KIF15: variants seen among roughly 807,000 people sequenced by gnomAD.
KIF15 encodes the protein kinesin family member 15.
Under a neutral mutation model 190.6 loss-of-function variants are expected in KIF15, and 140 were observed. The observed-to-expected ratio is 0.73, with a 90% CI of 0.64 to 0.84. The LOEUF is 0.84. Among genes scored for constraint, KIF15 ranks in the 40% least tolerant of loss-of-function variants. The pLI, the probability that KIF15 is intolerant of heterozygous loss-of-function variation, is 0.00. For synonymous variants in KIF15, 528 were observed against 551.3 expected, an observed-to-expected ratio of 0.96 and a Z score of 0.59; for missense variants, 1,372 against 1,584.4, an observed-to-expected ratio of 0.87 and a Z score of 2.28.
intron 6 of KIF15, chr3:44,861,948 G>A (rs756104560): frequency 1.4e-6 from 2 of 1,408,188 alleles, no homozygotes; most frequent in Non-Finnish European, 1.8e-6. Context: ...CGGGGCCTCC[G>A]GGCGGCGCCG....
At chr3:44,785,615 A>G (rs1310856781) in intron 6 of KIF15, among the ~76,000 whole-genome samples, 1 of 152,254 alleles carries the variant, frequency 6.6e-6, no homozygotes, top group African/African-American at 2.4e-5. Context: ...ACTCCTTTGC[A>G]GAAATCACCT....
At chr3:44,806,642 G>T (rs1442557725) in intron 16 of KIF15, among the ~76,000 whole-genome samples, 1 of 152,184 alleles carries the variant, frequency 6.6e-6, no homozygotes, top group African/African-American at 2.4e-5. Flanking sequence ...TTCCTTAGCT[G>T]GGTGTGGTGG....
intron 6 of KIF15, chr3:44,863,077 A>G (rs930719066): frequency 6.6e-6 from 1 of 151,998 alleles, no homozygotes; most frequent in African/African-American, 2.4e-5. Context: ...CAAATTTAAA[A>G]CATGAATTTT....
chr3:44,795,721 T>C (rs1011585843), intron 8 of KIF15, among the ~76,000 whole-genome samples: 2 of 152,134 alleles, frequency 1.3e-5, no homozygotes, highest in African/African-American at 4.8e-5. Context: ...GTCAATAAAA[T>C]ATTTGTAGAG....
At chr3:44,853,776 T>C (rs1699147612), downstream of KIF15, among the ~76,000 whole-genome samples, 1 of 152,224 alleles carries the variant, frequency 6.6e-6, no homozygotes, top group Admixed American at 6.5e-5. Context: ...TTTTCCTAAT[T>C]ACTAATGCTA....
chr3:44,803,551 C>T (rs932712133), intron 14 of KIF15, among the ~76,000 whole-genome samples: 9 of 152,134 alleles, frequency 5.9e-5, no homozygotes, highest in African/African-American at 2.2e-4. Context: ...GCCTTACAGT[C>T]TTGACAGCTG....
chr3:44,854,905 A>T (rs1344298319), downstream of KIF15, among the ~76,000 whole-genome samples: 1 of 152,210 alleles, frequency 6.6e-6, no homozygotes, highest in East Asian at 1.9e-4. Context: ...TAATTTGATT[A>T]TAACTATAAT....
chr3:44,848,330 AG>A (rs1376375463), intron 31 of KIF15, among the ~76,000 whole-genome samples, 190 bp from the exon 32 acceptor site: 5 of 152,244 alleles, frequency 3.3e-5, no homozygotes, highest in Non-Finnish European at 7.3e-5. Context: ...GAAGCCTTAG[AG>A]GGCATAGTGC....
At chr3:44,846,444 A>G (rs1698850589) in intron 30 of KIF15, among the ~76,000 whole-genome samples, 3 of 151,848 alleles carry the variant, frequency 2.0e-5, no homozygotes, top group Admixed American at 6.6e-5. Context: ...GCCAAATGTC[A>G]TAGTCTGATC....
At chr3:44,783,888 A>G (rs1449700070) in intron 5 of KIF15, among the ~76,000 whole-genome samples, 2 of 152,182 alleles carry the variant, frequency 1.3e-5, no homozygotes, top group Non-Finnish European at 2.9e-5. Context: ...TTTTCTAGCT[A>G]TATATACTTT....
Position 44,774,415 on chromosome 3 carries a change from A to C in KIF15, c.40A>C (p.Asn14His). Residue 14 changes from asparagine (N) to histidine (H), a missense_variant, in exon 2 of 35, where the codon AAT becomes CAT. Transcript: ENST00000326047. ...TCTAGCTGAGTTACGCAGCGTGACA[A>C]ATGGTCAGTCTAACCAACCAAGGTA... ...GCKTELRSVT[N>H]GQSNQPSNEG... 1 of 1,613,768 alleles carries C rather than the reference A, an allele frequency of 6.2e-7. No homozygotes were observed. Among genetic ancestry groups the C allele is most frequent in the South Asian group, 1.1e-5 (1 of 90,966 alleles).
At chr3:44,829,940 G>A in intron 24 of KIF15, 31 bp from the exon 25 acceptor site, 2 of 1,354,546 alleles carry the variant, frequency 1.5e-6, no homozygotes, top group Admixed American at 2.5e-5. Flanking sequence ...AATGTCATTG[G>A]GTATGAAGAT....
At chr3:44,825,876 A>C (rs1433915742) in intron 20 of KIF15, among the ~76,000 whole-genome samples, 163 bp from the exon 21 acceptor site, 2 of 152,216 alleles carry the variant, frequency 1.3e-5, no homozygotes, top group African/African-American at 2.4e-5. Flanking sequence ...ATGTTTGTGC[A>C]TCATGGACAT....
chr3:44,794,085 A>T (rs2125926706), intron 7 of KIF15, 132 bp from the exon 8 acceptor site: 1 of 675,282 alleles, frequency 1.5e-6, no homozygotes, highest in Non-Finnish European at 2.5e-6. Context: ...CACACTATGT[A>T]GGTCAGGCTG....
chr3:44,767,791 A>G (rs942544677), intron 1 of KIF15, among the ~76,000 whole-genome samples: 10 of 148,864 alleles, frequency 6.7e-5, no homozygotes, highest in Admixed American at 2.0e-4. Flanking sequence ...GCTACTCCGG[A>G]GGCTGAGGCA....
chr3:44,863,318 C>T (rs1699283931), intron 6 of KIF15: 1 of 144,542 alleles, frequency 6.9e-6, no homozygotes, highest in Non-Finnish European at 1.5e-5. Context: ...CCCCCGCCGC[C>T]TTGTCTCCAG....
At chr3:44,860,559 GATGGAGTTTCA>G (rs1439570849) in intron 6 of KIF15, among the ~76,000 whole-genome samples, 4 of 152,134 alleles carry the variant, frequency 2.6e-5, no homozygotes, top group Admixed American at 2.6e-4. Flanking sequence ...TTTTAGTAGA[GATGGAGTTTCA>G]CCATCTTGAC....
intron 6 of KIF15, among the ~76,000 whole-genome samples, chr3:44,785,731 A>G (rs567561354): frequency 2.0e-5 from 3 of 152,356 alleles, no homozygotes; most frequent in South Asian, 2.1e-4. Context: ...ATTATTTTCA[A>G]TCGTTTGAAG....
At chr3:44,797,395 A>G (rs1179807506) in intron 8 of KIF15, among the ~76,000 whole-genome samples, 156 bp from the exon 9 acceptor site, 3 of 152,168 alleles carry the variant, frequency 2.0e-5, no homozygotes. Context: ...ATAGTTCAGC[A>G]CTTCTTTTTT....
Sources: gnomAD v4.1 joint callset for allele counts (sites outside exome capture counted in the v4.1 genomes callset) on GRCh38, gnomAD v4.1.1 for gene constraint, MANE v1.5 for transcripts, NCBI Gene and HGNC (gene_info 2026-07-23, HGNC 2026-07-21) for gene names.